The following METTL8 variants were observed in gnomAD, a reference collection of about 807,000 sequenced individuals.
The protein encoded by METTL8 is methyltransferase 8, tRNA N3-cytidine, also known as tRNA N(3)-cytidine methyltransferase METTL8, mitochondrial.
In METTL8, 32 loss-of-function variants were observed where a neutral mutation model predicts 48.7. The observed-to-expected ratio is 0.66, with a 90% CI of 0.50 to 0.88. The LOEUF (loss-of-function observed/expected upper bound fraction) is 0.88, where lower values mean the gene tolerates loss of function less well. Ranked by LOEUF, METTL8 falls within the 40% of genes least tolerant of loss-of-function variation. The probability of loss-of-function intolerance (pLI) is 0.00; values close to 1 mark genes in which losing one functional copy is unlikely to be tolerated. For missense variants in METTL8, 464 were observed against 474.4 expected, an observed-to-expected ratio of 0.98 and a Z score of 0.20; for synonymous variants, 136 against 157.1, an observed-to-expected ratio of 0.87 and a Z score of 1.01.
chr2:171,399,003 G>A (rs370161611), intron 1 of METTL8, among the ~76,000 whole-genome samples: 4 of 152,084 alleles, frequency 2.6e-5, no homozygotes, highest in Non-Finnish European at 4.4e-5. Flanking sequence ...ATCTGAAAAC[G>A]TGGTCCTGAC....
rs1473542092 is a variant in METTL8 at position 171,328,596 on chromosome 2, C to T, written c.860+1963G>A. 3.3e-5 allele frequency among the ~76,000 whole-genome samples: 5 copies of T among 152,172 alleles called. No individual in the cohort carries two copies. In the South Asian group the frequency reaches 1.0e-3, roughly 32 times the overall value. On this transcript the variant is annotated intron_variant, in intron 7 of 9. Coordinates refer to ENST00000375258, the MANE Select transcript of METTL8 (RefSeq NM_001321154.2). The stretch of plus-strand genomic sequence containing the variant: ...CGTGATCTTGGGTCACTGCAACCTC[C>T]GTCTCCTGGGTTCCAGTGATTCTCC...
intron 1 of METTL8, among the ~76,000 whole-genome samples, chr2:171,416,496 A>C (rs1559206420): frequency 6.6e-6 from 1 of 152,254 alleles, no homozygotes; most frequent in Non-Finnish European, 1.5e-5. Context: ...ATTTTCCATC[A>C]AGAGCATTTT....
In METTL8 at chr2:171,319,446, G is replaced by C. The variant is rs764529377; in HGVS notation, c.*4726C>G. ...TCTATTCAGGCTTCAGGACTTTGAT[G>C]AGTTGGAAGTTTTGGGGTTTAACAA... On this transcript the variant is annotated 3_prime_UTR_variant, in exon 10 of 10. Transcript: ENST00000375258. The C allele has an allele frequency of 6.6e-6, 1 of 152,246 alleles. No individual in the cohort carries two copies. The highest frequency in any genetic ancestry group is 1.5e-5 in the Non-Finnish European group (1 of 68,044). The allele number at this position is 152,246 out of a possible 1,614,324, so 9.4% of individuals were successfully genotyped here. A position where few individuals can be genotyped will look rare whatever the true frequency, so the allele number is the denominator to read the frequency against.
chr2:171,358,419 A>G, intron 3 of METTL8, among the ~76,000 whole-genome samples: 1 of 152,094 alleles, frequency 6.6e-6, no homozygotes, highest in Non-Finnish European at 1.5e-5. Context: ...CATACTACAA[A>G]GCTACAGCAA....
At chr2:171,413,313 T>A (rs1038466374) in intron 1 of METTL8, among the ~76,000 whole-genome samples, 2 of 152,202 alleles carry the variant, frequency 1.3e-5, no homozygotes, top group African/African-American at 4.8e-5. Flanking sequence ...AAAATATATC[T>A]GTGTGAGATC....
intron 3 of METTL8, among the ~76,000 whole-genome samples, chr2:171,355,916 C>T (rs1035930219): frequency 3.9e-5 from 6 of 152,120 alleles, no homozygotes; most frequent in Non-Finnish European, 8.8e-5. Flanking sequence ...TTGCGCTTCC[C>T]GGGTGAGGTG....
chr2:171,410,122 T>C (rs1007928543), intron 1 of METTL8, among the ~76,000 whole-genome samples: 6 of 152,222 alleles, frequency 3.9e-5, no homozygotes, highest in Non-Finnish European at 7.3e-5. Flanking sequence ...ATACATCATA[T>C]AGAGAAACCT....
intron 1 of METTL8, among the ~76,000 whole-genome samples, chr2:171,427,578 T>C (rs943156588): frequency 5.3e-5 from 8 of 152,128 alleles, no homozygotes; most frequent in African/African-American, 1.9e-4. Context: ...AACTCAAGCA[T>C]CCCTTTGCCT....
intron 1 of METTL8, chr2:171,433,297 T>A (rs920392472): frequency 6.1e-5 from 9 of 148,158 alleles, no homozygotes; most frequent in Non-Finnish European, 1.2e-4. Context: ...AATTATTATT[T>A]TTTCTCATCA....
chr2:171,394,504 G>A (rs965021733), intron 1 of METTL8, among the ~76,000 whole-genome samples: 11 of 152,144 alleles, frequency 7.2e-5, no homozygotes, highest in African/African-American at 2.7e-4. Flanking sequence ...GAAAATGTCA[G>A]AGAAATGTGA....
At chr2:171,426,130 C>T (rs571538871) in intron 1 of METTL8, among the ~76,000 whole-genome samples, 50 of 152,130 alleles carry the variant, frequency 3.3e-4, no homozygotes, top group Non-Finnish European at 6.9e-4. Flanking sequence ...GCACTCCAGC[C>T]TGGGCAATAG....
At chr2:171,401,727 G>T (rs1689661547) in intron 1 of METTL8, among the ~76,000 whole-genome samples, 1 of 152,140 alleles carries the variant, frequency 6.6e-6, no homozygotes, top group Admixed American at 6.5e-5. Flanking sequence ...AATGAAATTG[G>T]TTTTAACTTA....
chr2:171,388,834 G>A (rs1366397436), intron 2 of METTL8, among the ~76,000 whole-genome samples: 2 of 152,086 alleles, frequency 1.3e-5, no homozygotes, highest in East Asian at 1.9e-4. Flanking sequence ...TATCTGTTAT[G>A]AGCTGTGATC....
intron 1 of METTL8, among the ~76,000 whole-genome samples, chr2:171,426,698 A>G (rs1692456948): frequency 6.6e-6 from 1 of 152,260 alleles, no homozygotes; most frequent in South Asian, 2.1e-4. Flanking sequence ...TCATTAAAAT[A>G]TAGAGAGGAA....
At chr2:171,354,007 G>A (rs1401915372) in intron 3 of METTL8, among the ~76,000 whole-genome samples, 3 of 152,164 alleles carry the variant, frequency 2.0e-5, no homozygotes, top group African/African-American at 7.2e-5. Context: ...TCATTATGAT[G>A]TTAGCTGGTT....
intron 3 of METTL8, among the ~76,000 whole-genome samples, chr2:171,347,293 T>C (rs550400722): frequency 9.2e-5 from 14 of 152,322 alleles, no homozygotes; most frequent in African/African-American, 3.1e-4. Context: ...TTCCTGCTTC[T>C]ACAGAGAGAG....
chr2:171,369,766 T>C (rs1415390405), intron 2 of METTL8, among the ~76,000 whole-genome samples: 1 of 152,022 alleles, frequency 6.6e-6, no homozygotes, highest in East Asian at 1.9e-4. Flanking sequence ...AAAAATTGGA[T>C]ACAAAAAATT....
At position 171,320,942 on chromosome 2, in the gene METTL8, T is replaced by C. The variant is rs1293666215; in HGVS notation, c.*3230A>G. 2.0e-5 allele frequency: 3 copies of C among 152,230 alleles called. No homozygotes were observed. The highest frequency in any genetic ancestry group is 7.2e-5 in the African/African-American group (3 of 41,450). 9.4% of individuals were successfully genotyped at this position (152,230 alleles called of 1,614,324 possible). ...GCTCCAGTTCAGAGACTAGAAGTCA[T>C]ACACCTGCTAGTCTAGGTTATCTAC... On this transcript the variant is annotated 3_prime_UTR_variant, in exon 10 of 10. Coordinates refer to ENST00000375258, the MANE Select transcript of METTL8 (RefSeq NM_001321154.2).
intron 2 of METTL8, among the ~76,000 whole-genome samples, chr2:171,377,462 G>A (rs1291810928): frequency 6.6e-6 from 1 of 152,150 alleles, no homozygotes; most frequent in Non-Finnish European, 1.5e-5. Context: ...CCCACAGAGT[G>A]GGAGAAAATA....
Sources: allele counts gnomAD v4.1 joint callset (sites outside exome capture counted in the v4.1 genomes callset), GRCh38; gene constraint gnomAD v4.1.1; transcripts MANE v1.5; gene names NCBI Gene and HGNC (gene_info 2026-07-23, HGNC 2026-07-21).